Variants in EPAS1 observed in about 807,000 individuals in gnomAD.
EPAS1 encodes the protein endothelial PAS domain-containing protein 1.
EPAS1 carries 23 observed loss-of-function variants against 87.9 expected under a neutral mutation model. The observed-to-expected ratio is 0.26, with a 90% CI of 0.19 to 0.37. EPAS1 has a LOEUF of 0.37. Ranked by LOEUF, EPAS1 falls within the 10% of genes least tolerant of loss-of-function variation. The pLI is 1.00. For synonymous variants in EPAS1, 508 were observed against 444.3 expected (o/e 1.14, Z -1.80); for missense variants, 1,138 against 1,120.7 (o/e 1.02, Z -0.22).
chr2:46,313,158 A>G (rs1469277659), intron 1 of EPAS1, among the ~76,000 whole-genome samples: 4 of 152,198 alleles, frequency 2.6e-5, no homozygotes, highest in Non-Finnish European at 5.9e-5. Flanking sequence ...GAAGTGGGAA[A>G]AAGGCTTTGA....
intron 1 of EPAS1, among the ~76,000 whole-genome samples, chr2:46,329,087 T>C (rs993475635): frequency 2.6e-5 from 4 of 152,234 alleles, no homozygotes; most frequent in Admixed American, 2.0e-4. Context: ...AAGAACTTGA[T>C]AGAGTGTTAG....
intron 1 of EPAS1, among the ~76,000 whole-genome samples, chr2:46,308,824 A>G (rs768139922): frequency 2.6e-5 from 4 of 152,214 alleles, no homozygotes; most frequent in Non-Finnish European, 2.9e-5. Context: ...AGAGGGCACT[A>G]GCTCTCAGTT....
intron 1 of EPAS1, among the ~76,000 whole-genome samples, chr2:46,299,986 G>C (rs1682964865): frequency 6.6e-6 from 1 of 152,254 alleles, no homozygotes; most frequent in African/African-American, 2.4e-5. Context: ...CCACGCGAGG[G>C]TGTCCGCCCT....
intron 2 of EPAS1, 22 bp from the exon 3 acceptor site, chr2:46,356,129 T>TCC (rs776941803): frequency 1.4e-5 from 18 of 1,242,746 alleles, no homozygotes; most frequent in South Asian, 8.5e-5. Context: ...ATGCAAGCTG[T>TCC]CCCACCCCCC....
At chr2:46,326,114 G>T (rs540692409) in intron 1 of EPAS1, among the ~76,000 whole-genome samples, 2 of 152,312 alleles carry the variant, frequency 1.3e-5, no homozygotes, top group South Asian at 2.1e-4. Flanking sequence ...CTAGGCATCA[G>T]TTGCCCCTGG....
intron 4 of EPAS1, among the ~76,000 whole-genome samples, chr2:46,359,277 A>AAAAAAAAAAAAAAAAAAAAAAAC (rs1572637471): frequency 6.7e-6 from 1 of 149,018 alleles, no homozygotes; most frequent in Admixed American, 6.7e-5. Flanking sequence ...AAAAAAAAAA[A>AAAAAAAAAAAAAAAAAAAAAAAC]AAAAGATCAA....
chr2:46,383,557 G>C (rs1268770515), intron 15 of EPAS1, among the ~76,000 whole-genome samples: 1 of 152,172 alleles, frequency 6.6e-6, no homozygotes, highest in Non-Finnish European at 1.5e-5. Flanking sequence ...GACAGCCCTG[G>C]CTTAAATTCT....
intron 6 of EPAS1, among the ~76,000 whole-genome samples, chr2:46,363,575 A>G (rs1448763576): frequency 6.6e-6 from 1 of 152,198 alleles, no homozygotes; most frequent in Non-Finnish European, 1.5e-5. Context: ...AACACAAGGA[A>G]TTGGATGTCT....
intron 4 of EPAS1, among the ~76,000 whole-genome samples, chr2:46,359,241 G>C (rs940535818): frequency 1.3e-5 from 1 of 75,302 alleles, no homozygotes; most frequent in Middle Eastern, 0.01. Flanking sequence ...CCTGGCGACA[G>C]AGCAAGATTC....
intron 13 of EPAS1, 37 bp downstream of exon 13, chr2:46,381,759 A>T: frequency 6.2e-7 from 1 of 1,613,228 alleles, no homozygotes; most frequent in Non-Finnish European, 8.5e-7. Context: ...GCCTCTCCAT[A>T]GCCCTTAGGG....
At chr2:46,318,089 A>G (rs1046340502) in intron 1 of EPAS1, among the ~76,000 whole-genome samples, 1 of 152,178 alleles carries the variant, frequency 6.6e-6, no homozygotes, top group African/African-American at 2.4e-5. Flanking sequence ...ATTCGAACAC[A>G]TAGAGCCCAT....
intron 3 of EPAS1, 136 bp from the exon 4 acceptor site, chr2:46,356,588 A>C: frequency 1.3e-6 from 1 of 776,996 alleles, no homozygotes; most frequent in Non-Finnish European, 2.3e-6. Flanking sequence ...TGTGGACCTG[A>C]CACTGGACTG....
chr2:46,340,184 G>A (rs762113873), intron 1 of EPAS1, among the ~76,000 whole-genome samples: 2 of 151,930 alleles, frequency 1.3e-5, no homozygotes, highest in Non-Finnish European at 2.9e-5. Flanking sequence ...CTTAGTAATC[G>A]AATCTGCTGC....
chr2:46,367,541 C>T (rs1412304130), intron 6 of EPAS1, among the ~76,000 whole-genome samples: 8 of 152,230 alleles, frequency 5.3e-5, no homozygotes, highest in Non-Finnish European at 1.2e-4. Context: ...CCAGTCTCCA[C>T]CTTTGCCAAG....
At chr2:46,354,372 T>C (rs753773511) in intron 2 of EPAS1, among the ~76,000 whole-genome samples, 1 of 152,156 alleles carries the variant, frequency 6.6e-6, no homozygotes, top group African/African-American at 2.4e-5. Flanking sequence ...TTTTGATTGA[T>C]GTTTGCACTG....
chr2:46,352,368 A>T (rs1684183191), intron 2 of EPAS1, among the ~76,000 whole-genome samples: 1 of 152,192 alleles, frequency 6.6e-6, no homozygotes, highest in Non-Finnish European at 1.5e-5. Context: ...TCTCCTTAAG[A>T]CAGGACTGAG....
In EPAS1 at chr2:46,380,040, A is replaced by G. The variant is rs1172893771; in HGVS notation, c.1555-187A>G. On this transcript the variant is annotated intron_variant, in intron 11 of 15. Coordinates refer to ENST00000263734, the MANE Select transcript of EPAS1 (RefSeq NM_001430.5). This position sits in a 1 kb window ranked among gnomAD's most constrained non-coding sequence, Gnocchi z 4.4. ...ATGGGGGAAGGCTGGTACATGATAC[A>G]AGGTCGTGTACATGACACAGCCAAG... is the stretch of plus-strand genomic sequence containing the variant. The G allele has an allele frequency of 3.6e-6, 3 of 844,412 alleles. No homozygotes were observed. Among genetic ancestry groups the G allele is most frequent in the East Asian group, 2.4e-5 (1 of 41,304 alleles). The allele number at this position is 844,412 out of a possible 1,614,324, so 52.3% of individuals were successfully genotyped here. A position where few individuals can be genotyped will look rare whatever the true frequency, so the allele number is the denominator to read the frequency against.
intron 1 of EPAS1, among the ~76,000 whole-genome samples, chr2:46,345,609 T>C (rs1684008973): frequency 6.6e-6 from 1 of 152,148 alleles, no homozygotes; most frequent in Non-Finnish European, 1.5e-5. Flanking sequence ...TAATGCCTAC[T>C]TCCAAGGGCA....
In EPAS1 at chr2:46,385,796, G is replaced by A. The variant is rs1364856953; in HGVS notation, c.*1136G>A. On this transcript the variant is annotated 3_prime_UTR_variant, in exon 16 of 16. Coordinates refer to ENST00000263734, the MANE Select transcript of EPAS1 (RefSeq NM_001430.5). ...AACTTTTCTTAAGGTTTTGTTGCTA[G>A]CCCTTCAAGTGCACTGAGCTATGTG... is the stretch of plus-strand genomic sequence containing the variant. 2 of 152,222 alleles carry A rather than the reference G, an allele frequency of 1.3e-5. No individual in the cohort carries two copies. The highest frequency in any genetic ancestry group is 2.9e-5 in the Non-Finnish European group (2 of 68,048). 9.4% of individuals were successfully genotyped at this position (152,222 alleles called of 1,614,324 possible). A position where few individuals can be genotyped will look rare whatever the true frequency, so the allele number is the denominator to read the frequency against.
Sources: gnomAD v4.1 joint callset for allele counts (sites outside exome capture counted in the v4.1 genomes callset) on GRCh38, gnomAD v4.1.1 for gene constraint, Gnocchi (gnomAD v3.1) non-coding constraint, MANE v1.5 for transcripts, NCBI Gene and HGNC (gene_info 2026-07-23, HGNC 2026-07-21) for gene names.